Variants in OLFM2 observed in about 807,000 individuals in gnomAD.
OLFM2 encodes the protein noelin-2.
OLFM2 carries 20 observed loss-of-function variants against 43.9 expected under a neutral mutation model. That is an observed-to-expected ratio of 0.46 (90% CI 0.32 to 0.66). The LOEUF is 0.66. Ranked by LOEUF, OLFM2 falls within the 30% of genes least tolerant of loss-of-function variation. The pLI is 0.04. For missense variants in OLFM2, 416 were observed against 643.6 expected, an observed-to-expected ratio of 0.65 and a Z score of 3.83; for synonymous variants, 268 against 278.6, an observed-to-expected ratio of 0.96 and a Z score of 0.38.
intron 1 of OLFM2, among the ~76,000 whole-genome samples, chr19:9,877,084 G>A (rs2046495444): frequency 6.6e-6 from 1 of 151,408 alleles, no homozygotes; most frequent in South Asian, 2.1e-4. Context: ...ACAAAATTTA[G>A]CTGGGCATGA....
intron 1 of OLFM2, chr19:9,913,641 GGCCGCCCGCC>G: frequency 8.0e-7 from 1 of 1,257,772 alleles, no homozygotes; most frequent in Non-Finnish European, 1.0e-6. Context: ...CATGCCCCGC[GGCCGCCCGCC>G]GCGCGTCCCT....
In OLFM2 at chr19:9,892,582, G is replaced by A. The variant is rs1019736083; in HGVS notation, c.64-31788C>T. ...GAAAATTAGCTAGGCTTGGTGGCGG[G>A]TGCCTGTAGTTCCAGCTACTCAGGA... On this transcript the variant is annotated intron_variant, in intron 1 of 5. Coordinates refer to ENST00000264833, the MANE Select transcript of OLFM2 (RefSeq NM_058164.4). Among the ~76,000 whole-genome samples the A allele has an allele frequency of 7.9e-5, 12 of 152,114 alleles. No individual in the cohort carries two copies. In the South Asian group the frequency reaches 2.5e-3, roughly 32 times the overall value.
intron 1 of OLFM2, among the ~76,000 whole-genome samples, chr19:9,912,227 G>C (rs903899304): frequency 2.0e-5 from 3 of 152,158 alleles, no homozygotes; most frequent in Admixed American, 2.0e-4. Flanking sequence ...CCAAGTCTAA[G>C]AATCTAGCCT....
chr19:9,877,099 G>A (rs567321945), intron 1 of OLFM2, among the ~76,000 whole-genome samples: 1 of 151,566 alleles, frequency 6.6e-6, no homozygotes, highest in African/African-American at 2.4e-5. Context: ...GCATGATGGC[G>A]GGCGCCTGTA....
chr19:9,905,679 G>A (rs1345401738), intron 1 of OLFM2, among the ~76,000 whole-genome samples: 3 of 151,868 alleles, frequency 2.0e-5, no homozygotes. Flanking sequence ...TAGTGCTGAA[G>A]GGGCCGGAAA....
intron 1 of OLFM2, among the ~76,000 whole-genome samples, chr19:9,932,465 AAAAAAAG>A (rs1008838181): frequency 7.9e-5 from 12 of 151,950 alleles, no homozygotes; most frequent in Non-Finnish European, 1.0e-4. Flanking sequence ...AAAAAAAAAA[AAAAAAAG>A]AAAGAAAGAG....
At chr19:9,865,485 C>CTTTTTTTTTTTTTTT (rs71188847) in intron 1 of OLFM2, among the ~76,000 whole-genome samples, 3 of 73,642 alleles carry the variant, frequency 4.1e-5, no homozygotes, top group Non-Finnish European at 7.1e-5. Flanking sequence ...TCTGTTTTTT[C>CTTTTTTTTTTTTTTT]TTTTTTTTTT....
At chr19:9,905,159 T>C (rs2046774384) in intron 1 of OLFM2, among the ~76,000 whole-genome samples, 1 of 151,266 alleles carries the variant, frequency 6.6e-6, no homozygotes. Flanking sequence ...CTGTCTCTAC[T>C]AAAAATACAA....
At chr19:9,893,522 G>C (rs1005276888) in intron 1 of OLFM2, among the ~76,000 whole-genome samples, 4 of 108,672 alleles carry the variant, frequency 3.7e-5, no homozygotes, top group African/African-American at 6.0e-5. Context: ...CAGGACTTGA[G>C]TGAACCCCCC....
At position 9,857,967 on chromosome 19, in the gene OLFM2, C is replaced by G. The variant is rs1184719667; in HGVS notation, c.214-106G>C. The G allele has an allele frequency of 9.2e-6, 13 of 1,405,840 alleles. No homozygotes were observed. The Admixed American group carries it at 2.0e-4, about 22-fold the overall frequency. 87.1% of individuals were successfully genotyped at this position (1,405,840 alleles called of 1,614,324 possible). A position where few individuals can be genotyped will look rare whatever the true frequency, so the allele number is the denominator to read the frequency against. On this transcript the variant is annotated intron_variant, in intron 2 of 5. Coordinates refer to ENST00000264833, the MANE Select transcript of OLFM2 (RefSeq NM_058164.4). This position sits in a 1 kb window ranked among gnomAD's most constrained non-coding sequence, Gnocchi z 5.7. ...GAACAGAGGCTGTACAAACACCACA[C>G]CGACGAGGCCACCTTCTCCTCCCCT...
chr19:9,910,216 T>C (rs115261105), intron 1 of OLFM2, among the ~76,000 whole-genome samples: 5,551 of 151,954 alleles, frequency 0.037, 192 homozygotes, highest in African/African-American at 0.095. Flanking sequence ...AATAATAATA[T>C]TAATAATAAT....
intron 1 of OLFM2, among the ~76,000 whole-genome samples, chr19:9,895,058 G>A (rs1355823443): frequency 6.6e-6 from 1 of 152,126 alleles, no homozygotes; most frequent in African/African-American, 2.4e-5. Flanking sequence ...CAGTGGGTCA[G>A]ACACCCGGGC....
intron 1 of OLFM2, among the ~76,000 whole-genome samples, chr19:9,900,988 AAGGGAGGGAGGG>A (rs2046729818): frequency 3.5e-5 from 1 of 28,408 alleles, no homozygotes; most frequent in African/African-American, 3.9e-4. Flanking sequence ...GGAAGGAAGG[AAGGGAGGGAGGG>A]GGGAGGGAGG....
chr19:9,901,269 G>A (rs1031192650), intron 1 of OLFM2, among the ~76,000 whole-genome samples: 3 of 144,422 alleles, frequency 2.1e-5, no homozygotes, highest in African/African-American at 7.4e-5. Flanking sequence ...GGGAGGGAGG[G>A]AAGGAAGGAA....
At chr19:9,892,105 TGTG>T (rs1412011282) in intron 1 of OLFM2, among the ~76,000 whole-genome samples, 1 of 152,040 alleles carries the variant, frequency 6.6e-6, no homozygotes, top group Non-Finnish European at 1.5e-5. Context: ...AAGACTGTGA[TGTG>T]GTCTGTACGT....
chr19:9,862,042 A>G (rs900177566), intron 1 of OLFM2, among the ~76,000 whole-genome samples: 8 of 146,080 alleles, frequency 5.5e-5, no homozygotes, highest in African/African-American at 7.7e-5. Flanking sequence ...AAAAAAAAAA[A>G]AAGAAGATAT....
At chr19:9,933,332 G>A (rs1197934673) in intron 1 of OLFM2, among the ~76,000 whole-genome samples, 1 of 152,118 alleles carries the variant, frequency 6.6e-6, no homozygotes, top group Non-Finnish European at 1.5e-5. Flanking sequence ...TGCCTCCCAG[G>A]TTCAAGCAAT....
intron 1 of OLFM2, among the ~76,000 whole-genome samples, chr19:9,897,604 A>G (rs2046697702): frequency 6.6e-6 from 1 of 152,220 alleles, no homozygotes; most frequent in South Asian, 2.1e-4. Flanking sequence ...TTGGCCTGGC[A>G]TTTGAGGCTC....
intron 1 of OLFM2, among the ~76,000 whole-genome samples, chr19:9,899,742 A>G (rs1271688068): frequency 1.3e-5 from 2 of 151,626 alleles, no homozygotes; most frequent in Non-Finnish European, 2.9e-5. Context: ...TTTTAGAGAT[A>G]GGGTTTCACT....
Sources: allele counts gnomAD v4.1 joint callset (sites outside exome capture counted in the v4.1 genomes callset), GRCh38; gene constraint gnomAD v4.1.1; non-coding constraint Gnocchi (gnomAD v3.1); transcripts MANE v1.5; gene names NCBI Gene and HGNC (gene_info 2026-07-23, HGNC 2026-07-21).